The following DPP10 variants were observed in gnomAD, a reference collection of about 807,000 sequenced individuals.
The protein encoded by DPP10 is inactive dipeptidyl peptidase 10.
Under a neutral mutation model 120.9 loss-of-function variants are expected in DPP10, and 33 were observed. The observed-to-expected ratio is 0.27, with a 90% CI of 0.21 to 0.37. DPP10 has a LOEUF of 0.37. DPP10 is among the 10% of genes least tolerant of loss of function. The pLI, the probability that DPP10 is intolerant of heterozygous loss-of-function variation, is 1.00. For synonymous variants in DPP10, 337 were observed against 326.1 expected (o/e 1.03, Z -0.36); for missense variants, 816 against 942.8 (o/e 0.87, Z 1.76).
chr2:115,658,748 A>G (rs541689288), intron 5 of DPP10, among the ~76,000 whole-genome samples: 2 of 152,270 alleles, frequency 1.3e-5, no homozygotes, highest in Middle Eastern at 3.4e-3. Context: ...TTTCTTTACA[A>G]TACATGATAG....
chr2:115,404,217 AG>A (rs1485332168), intron 3 of DPP10, among the ~76,000 whole-genome samples: 1 of 152,116 alleles, frequency 6.6e-6, no homozygotes, highest in Non-Finnish European at 1.5e-5. Context: ...TGGAAGGCAA[AG>A]GGGGAGCAAG....
intron 1 of DPP10, among the ~76,000 whole-genome samples, chr2:114,838,187 G>A (rs1052719465): frequency 3.3e-5 from 5 of 152,184 alleles, no homozygotes; most frequent in Admixed American, 2.0e-4. Context: ...CCAGTCACAT[G>A]CATCCTAACC....
intron 3 of DPP10, among the ~76,000 whole-genome samples, chr2:115,404,661 T>G (rs915085378): frequency 6.6e-6 from 1 of 152,090 alleles, no homozygotes; most frequent in African/African-American, 2.4e-5. Flanking sequence ...TGGCTCAGCA[T>G]TGTGGAGGCT....
chr2:115,336,468 A>C (rs2063136700), intron 2 of DPP10, among the ~76,000 whole-genome samples: 1 of 151,966 alleles, frequency 6.6e-6, no homozygotes, highest in Non-Finnish European at 1.5e-5. Flanking sequence ...CCCTATTCAT[A>C]ATTATAGTAT....
At chr2:114,573,104 T>A (rs943888283) in intron 1 of DPP10, among the ~76,000 whole-genome samples, 1 of 152,170 alleles carries the variant, frequency 6.6e-6, no homozygotes, top group Non-Finnish European at 1.5e-5. Context: ...CACCTCAGCC[T>A]TTCAAGTAGC....
rs932340448 is a variant in DPP10, at chr2:115,372,469, A to T, written c.271+28557A>T. Among the ~76,000 whole-genome samples the T allele has an allele frequency of 2.6e-5, 4 of 152,152 alleles. No individual in the cohort carries two copies. In the South Asian group the frequency reaches 8.3e-4, roughly 32 times the overall value. ...TTCAATAAGCATTAAAATGTGTTGT[A>T]ATTTTGCAGGGTATCTCATTGAATG... is the stretch of plus-strand genomic sequence containing the variant. On this transcript the variant is annotated intron_variant, in intron 3 of 25. Coordinates refer to ENST00000410059, the MANE Select transcript of DPP10 (RefSeq NM_020868.6).
intron 1 of DPP10, among the ~76,000 whole-genome samples, chr2:114,890,066 C>A (rs932609367): frequency 6.6e-6 from 1 of 152,140 alleles, no homozygotes. Context: ...TGTCTCCTTT[C>A]GTCACAGATT....
intron 5 of DPP10, among the ~76,000 whole-genome samples, chr2:115,654,183 C>T (rs2088071516): frequency 6.6e-6 from 1 of 151,702 alleles, no homozygotes; most frequent in Non-Finnish European, 1.5e-5. Flanking sequence ...TTAGCTTCAT[C>T]ACAAGCAGTT....
intron 5 of DPP10, among the ~76,000 whole-genome samples, chr2:115,528,952 A>G (rs529325751): frequency 2.4e-4 from 36 of 152,056 alleles, no homozygotes; most frequent in African/African-American, 8.4e-4. Context: ...ATAAATGTCA[A>G]TGTCCTTGTT....
chr2:115,371,274 C>T (rs1174959838), intron 3 of DPP10, among the ~76,000 whole-genome samples: 1 of 152,242 alleles, frequency 6.6e-6, no homozygotes, highest in East Asian at 1.9e-4. Flanking sequence ...TTATGCTTCT[C>T]AAATTGCTCC....
chr2:115,036,753 G>A (rs1183118134), intron 1 of DPP10, among the ~76,000 whole-genome samples: 1 of 151,740 alleles, frequency 6.6e-6, no homozygotes, highest in African/African-American at 2.4e-5. Context: ...TTTCTATGTG[G>A]ATATTCCAAT....
At chr2:115,631,836 G>A (rs539680417) in intron 5 of DPP10, among the ~76,000 whole-genome samples, 2 of 152,106 alleles carry the variant, frequency 1.3e-5, no homozygotes, top group African/African-American at 4.8e-5. Flanking sequence ...TCCAATTATG[G>A]GATCAATTTT....
intron 1 of DPP10, among the ~76,000 whole-genome samples, chr2:114,447,942 C>A (rs1255382877): frequency 6.6e-6 from 1 of 152,164 alleles, no homozygotes; most frequent in African/African-American, 2.4e-5. Context: ...ATGCTTAAGG[C>A]AAAATCACAG....
At chr2:114,494,653 A>G (rs549432122) in intron 1 of DPP10, among the ~76,000 whole-genome samples, 5 of 152,186 alleles carry the variant, frequency 3.3e-5, no homozygotes, top group Non-Finnish European at 7.4e-5. Context: ...AGACAATGGG[A>G]CAATACTGGA....
intron 7 of DPP10, among the ~76,000 whole-genome samples, chr2:115,699,376 C>A (rs548515942): frequency 2.6e-5 from 4 of 152,054 alleles, no homozygotes; most frequent in Admixed American, 6.6e-5. Flanking sequence ...CCAAGGCGGG[C>A]GGATCACCTG....
At chr2:115,660,050 A>C (rs2149404254) in intron 5 of DPP10, among the ~76,000 whole-genome samples, 1 of 152,296 alleles carries the variant, frequency 6.6e-6, no homozygotes, top group Non-Finnish European at 1.5e-5. Context: ...TAATAGCTTA[A>C]ATTTATTGAA....
chr2:115,046,823 TATAC>T (rs1363078279), intron 1 of DPP10, among the ~76,000 whole-genome samples: 1 of 152,074 alleles, frequency 6.6e-6, no homozygotes, highest in East Asian at 1.9e-4. Context: ...AGGAAGTTAT[TATAC>T]ATCAATTTTA....
intron 1 of DPP10, among the ~76,000 whole-genome samples, chr2:115,103,753 A>C (rs2048813355): frequency 6.6e-6 from 1 of 152,232 alleles, no homozygotes; most frequent in African/African-American, 2.4e-5. Flanking sequence ...TCTACCTAGA[A>C]TAGTGCCTGA....
At chr2:115,119,358 T>G (rs981474888) in intron 1 of DPP10, among the ~76,000 whole-genome samples, 16 of 152,246 alleles carry the variant, frequency 1.1e-4, no homozygotes, top group African/African-American at 3.9e-4. Flanking sequence ...AGGTGTTTTC[T>G]GTCTATTGGG....
Sources: allele counts gnomAD v4.1 joint callset (sites outside exome capture counted in the v4.1 genomes callset), GRCh38; gene constraint gnomAD v4.1.1; transcripts MANE v1.5; gene names NCBI Gene and HGNC (gene_info 2026-07-23, HGNC 2026-07-21).